MAGEB6: variants seen among roughly 807,000 people sequenced by gnomAD.
The protein encoded by MAGEB6 is melanoma-associated antigen B6.
For missense variants in MAGEB6, 327 were observed against 329.7 expected (o/e 0.99, Z 0.06); for synonymous variants, 128 against 136.2 (o/e 0.94, Z 0.42).
chrX:26,194,301 C>A lies in MAGEB6; in HGVS notation c.455C>A (p.Ser152Ter), dbSNP rs1229201865. The A allele has an allele frequency of 8.3e-7, 1 of 1,210,871 alleles. No homozygotes were observed. ...GTTCCTCAGGAGTCTCAGGGAGCTT[C>A]ACCCACTGGCTCGCCTGATGCAGGT... ...VSVPQESQGA[S>*]PTGSPDAGVS... Residue 152 changes from serine to a stop codon, truncating the protein, a stop_gained, in exon 2 of 2, where the codon TCA becomes TAA. Transcript: ENST00000379034. LOFTEE classifies it low-confidence loss of function (END_TRUNC).
rs1929158390 is a variant in MAGEB6 at position 26,194,299 on chromosome X, T to G, written c.453T>G (p.Ala151=). The G allele has an allele frequency of 8.3e-7, 1 of 1,207,866 alleles. No individual in the cohort carries two copies. Among genetic ancestry groups the G allele is most frequent in the African/African-American group, 1.8e-5 (1 of 56,253 alleles). Residue 151 remains alanine (A), a synonymous_variant, in exon 2 of 2, where the codon GCT becomes GCG. Transcript: ENST00000379034. ...CCGTTCCTCAGGAGTCTCAGGGAGC[T>G]TCACCCACTGGCTCGCCTGATGCAG... is the stretch of plus-strand genomic sequence containing the variant. ...DVSVPQESQG[A]SPTGSPDAGV... is the part of the protein sequence containing the mutation.
chrX:26,194,115 ATGAGAAAAGT>A lies in MAGEB6; in HGVS notation c.270_279del (p.Glu91GlnfsTer85). 1.7e-6 allele frequency: 2 copies of A among 1,202,246 alleles called. No individual in the cohort carries two copies. Among genetic ancestry groups the A allele is most frequent in the Admixed American group, 2.2e-5 (1 of 45,494 alleles). Reference sequence around the variant, plus strand: ...TCCGATGTGGCTGCCAACGGCCAAGATGAGAAAAGTCCAAGCACCTCCCGTGATGCCTCCG... The same window carrying A: ...TCCGATGTGGCTGCCAACGGCCAAGACCAAGCACCTCCCGTGATGCCTCCG... On this transcript the variant is annotated frameshift_variant, in exon 2 of 2. Coordinates refer to ENST00000379034, the MANE Select transcript of MAGEB6 (RefSeq NM_173523.2). LOFTEE classifies it low-confidence loss of function (END_TRUNC).
rs1929186169 is a variant in MAGEB6, at chrX:26,195,602, A to G, written c.*532A>G. ...CTTGGTTTGCCTAATTCGTTTTCCT[A>G]TTTCTTTTCATACAAATAAAGGATA... On this transcript the variant is annotated 3_prime_UTR_variant, in exon 2 of 2. Transcript: ENST00000379034. 8.0e-6 allele frequency: 1 copy of G among 124,540 alleles called. No individual in the cohort carries two copies. The highest frequency in any genetic ancestry group is 3.2e-5 in the African/African-American group (1 of 30,866). 10.3% of individuals were successfully genotyped at this position (124,540 alleles called of 1,213,427 possible). A position where few individuals can be genotyped will look rare whatever the true frequency, so the allele number is the denominator to read the frequency against.
In MAGEB6 at chrX:26,194,289, C is replaced by G. The variant is rs1929157984; in HGVS notation, c.443C>G (p.Ser148Cys). ...CATGATGTCTCCGTTCCTCAGGAGT[C>G]TCAGGGAGCTTCACCCACTGGCTCG... is the stretch of plus-strand genomic sequence containing the variant. ...TSHDVSVPQE[S>C]QGASPTGSPD... The change falls in exon 2 of 2, where the codon TCT becomes TGT. Residue 148 changes from serine to cysteine, a missense_variant. Ser to Cys is a moderately radical substitution (Grantham distance 112). Transcript: ENST00000379034. 1 of 1,207,564 alleles carries G rather than the reference C, an allele frequency of 8.3e-7. No individual in the cohort carries two copies. The highest frequency in any genetic ancestry group is 1.1e-6 in the Non-Finnish European group (1 of 894,831).
rs773041104 is a variant in MAGEB6 at position 26,195,089 on chromosome X, T to C, written c.*19T>C. 5.9e-6 allele frequency: 7 copies of C among 1,195,581 alleles called. No individual in the cohort carries two copies. The highest frequency in any genetic ancestry group is 1.8e-5 in the African/African-American group (1 of 56,784). On this transcript the variant is annotated 3_prime_UTR_variant, in exon 2 of 2. Transcript: ENST00000379034. ...AGCTTAAGGCAGGGCTGGCACTATTTCCTTGGCCAGGGTACCTTATGGGGC... is the reference window on the plus strand; with the variant it reads ...AGCTTAAGGCAGGGCTGGCACTATTCCCTTGGCCAGGGTACCTTATGGGGC...
In MAGEB6 at chrX:26,192,510, A is replaced by T. The variant is rs1264694397; in HGVS notation, c.-79A>T. ...ACGTCAGCGGAAGGAGGCGTCCCAG[A>T]TCTTCTCAGCTGTCTTGGTGGGTAT... On this transcript the variant is annotated 5_prime_UTR_variant, in exon 1 of 2. Coordinates refer to ENST00000379034, the MANE Select transcript of MAGEB6 (RefSeq NM_173523.2). 1 of 110,089 alleles carries T rather than the reference A, an allele frequency of 9.1e-6. No individual in the cohort carries two copies. The highest frequency in any genetic ancestry group is 9.6e-5 in the Admixed American group (1 of 10,426). The allele number at this position is 110,089 out of a possible 1,213,427, so 9.1% of individuals were successfully genotyped here.
chrX:26,194,555 C>G lies in MAGEB6; in HGVS notation c.709C>G (p.Leu237Val). 1 of 1,211,395 alleles carries G rather than the reference C, an allele frequency of 8.3e-7. No individual in the cohort carries two copies. Among genetic ancestry groups the G allele is most frequent in the Non-Finnish European group, 1.1e-6 (1 of 895,316 alleles). ...GTACAAGCCCTACTTCCCTCAGATC[C>G]TCAACAGAACCTCCCAACATTTGGT... ...REYKPYFPQI[L>V]NRTSQHLVVA... The change falls in exon 2 of 2, where the codon CTC (leucine) becomes GTC (valine). Residue 237 changes from leucine to valine, a missense_variant. Transcript: ENST00000379034.
Position 26,195,451 on chromosome X carries a change from G to C in MAGEB6, c.*381G>C, listed in dbSNP as rs12845766. On this transcript the variant is annotated 3_prime_UTR_variant, in exon 2 of 2. Coordinates refer to ENST00000379034, the MANE Select transcript of MAGEB6 (RefSeq NM_173523.2). ...CATACAACACATTTTCTTTGTAATT[G>C]AGAACTAGATAACATGGTAACAGAG... 1 of 153,397 alleles carries C rather than the reference G, an allele frequency of 6.5e-6. No homozygotes were observed. The highest frequency in any genetic ancestry group is 7.6e-5 in the Admixed American group (1 of 13,122). 12.6% of individuals were successfully genotyped at this position (153,397 alleles called of 1,213,427 possible). A position where few individuals can be genotyped will look rare whatever the true frequency, so the allele number is the denominator to read the frequency against.
Position 26,194,132 on chromosome X carries a change from ACC to A in MAGEB6, c.287_288del (p.Thr96IlefsTer3). ...ANGQDEKSPSTSRDASVPQES... is the reference protein window; with the variant it reads ...ANGQDEKSPSXSRDASVPQES... ...CGGCCAAGATGAGAAAAGTCCAAGC[ACC>A]TCCCGTGATGCCTCCGTTCCTCAGG... is the stretch of plus-strand genomic sequence containing the variant. On this transcript the variant is annotated frameshift_variant, in exon 2 of 2. Transcript: ENST00000379034. LOFTEE classifies it low-confidence loss of function (END_TRUNC). 1 of 1,173,776 alleles carries A rather than the reference ACC, an allele frequency of 8.5e-7. No homozygotes were observed.
At position 26,195,102 on chromosome X, in the gene MAGEB6, T is replaced by C. The variant is rs5986312; in HGVS notation, c.*32T>C. The C allele has an allele frequency of 0.35, 413,879 of 1,186,591 alleles. 49,451 individuals are homozygous for C. Among genetic ancestry groups the C allele is most frequent in the East Asian group, 0.49 (16,297 of 33,440 alleles). Reference sequence around the variant, plus strand: ...GCTGGCACTATTTCCTTGGCCAGGGTACCTTATGGGGCCATATCCTACAGA... The same window carrying C: ...GCTGGCACTATTTCCTTGGCCAGGGCACCTTATGGGGCCATATCCTACAGA... On this transcript the variant is annotated 3_prime_UTR_variant, in exon 2 of 2. Transcript: ENST00000379034.
At chrX:26,193,070 C>T (rs1929132255) in intron 1 of MAGEB6, among the ~76,000 whole-genome samples, 1 of 111,024 alleles carries the variant, frequency 9.0e-6, no homozygotes, top group South Asian at 4.0e-4. Flanking sequence ...GTTGTCAGCC[C>T]TAGGTGGTCT....
Position 26,195,287 on chromosome X carries a change from C to G in MAGEB6, c.*217C>G. 5.1e-6 allele frequency: 2 copies of G among 391,794 alleles called. No individual in the cohort carries two copies. The highest frequency in any genetic ancestry group is 8.9e-6 in the Non-Finnish European group (2 of 224,891). 32.3% of individuals were successfully genotyped at this position (391,794 alleles called of 1,213,427 possible). On this transcript the variant is annotated 3_prime_UTR_variant, in exon 2 of 2. Transcript: ENST00000379034. ...TAACTTGCAGATTTATGTTTTATCT[C>G]TGTCAGTTATCAACATTGTTCCTGT...
At position 26,194,854 on chromosome X, in the gene MAGEB6, G is replaced by A. The variant is rs1479751187; in HGVS notation, c.1008G>A (p.Leu336=). 1 of 1,209,254 alleles carries A rather than the reference G, an allele frequency of 8.3e-7. No individual in the cohort carries two copies. The highest frequency in any genetic ancestry group is 3.0e-5 in the East Asian group (1 of 33,742). ...CTCGGAAGATCATTACTGAAGATTT[G>A]GTGCAAGATAAGTACGTGGTTTACC... ...GDARKIITED[L]VQDKYVVYRQ... Residue 336 remains leucine (L), a synonymous_variant, in exon 2 of 2, where the codon TTG becomes TTA. Coordinates refer to ENST00000379034, the MANE Select transcript of MAGEB6 (RefSeq NM_173523.2).
chrX:26,192,646 C>T (rs1929126018), intron 1 of MAGEB6, 119 bp downstream of exon 1: 1 of 111,526 alleles, frequency 9.0e-6, no homozygotes. Flanking sequence ...CCTGAGGAGT[C>T]CCCAAACATG....
Position 26,194,966 on chromosome X carries a change from C to A in MAGEB6, c.1120C>A (p.Arg374Ser). The change falls in exon 2 of 2, where the codon CGT becomes AGT. Residue 374 changes from arginine (R) to serine (S), a missense_variant. Coordinates refer to ENST00000379034, the MANE Select transcript of MAGEB6 (RefSeq NM_173523.2). The part of the protein sequence containing the change: ...YAETTKMRVL[R>S]VLADSSNTSP... ...TGAAACCACCAAGATGAGAGTCCTG[C>A]GTGTTTTGGCCGACAGCAGTAACAC... 8.3e-7 allele frequency: 1 copy of A among 1,211,504 alleles called. No individual in the cohort carries two copies. The highest frequency in any genetic ancestry group is 1.1e-6 in the Non-Finnish European group (1 of 895,493).
chrX:26,194,676 G>A lies in MAGEB6; in HGVS notation c.830G>A (p.Ser277Asn), dbSNP rs201763501. 125 of 1,209,316 alleles carry A rather than the reference G, an allele frequency of 1.0e-4. No individual in the cohort carries two copies. The highest frequency in any genetic ancestry group is 6.0e-5 in the Non-Finnish European group (54 of 895,145). The part of the protein sequence containing the change: ...KLGLPSEGIL[S>N]GDNALPKSGL... ...GGCCTCCCCAGTGAAGGAATTCTGA[G>A]TGGTGATAATGCGCTGCCGAAGTCG... Residue 277 changes from serine to asparagine, a missense_variant, in exon 2 of 2, where the codon AGT becomes AAT. Coordinates refer to ENST00000379034, the MANE Select transcript of MAGEB6 (RefSeq NM_173523.2).
Position 26,193,995 on chromosome X carries a change from G to C in MAGEB6, c.149G>C (p.Gly50Ala). 1 of 1,211,947 alleles carries C rather than the reference G, an allele frequency of 8.3e-7. No homozygotes were observed. The highest frequency in any genetic ancestry group is 1.1e-6 in the Non-Finnish European group (1 of 895,536). ...SSSSSSRACLGDCRRSSDASI... is the reference protein window; with the variant it reads ...SSSSSSRACLADCRRSSDASI... ...TCATCCTCTTCTCGCGCTTGTCTGG[G>C]TGATTGTCGTAGGTCTTCTGATGCC... is the stretch of plus-strand genomic sequence containing the variant. The change falls in exon 2 of 2, where the codon GGT (glycine) becomes GCT (alanine). Residue 50 changes from glycine to alanine, a missense_variant. Transcript: ENST00000379034.
At position 26,194,061 on chromosome X, in the gene MAGEB6, C is replaced by A. The variant is rs746350570; in HGVS notation, c.215C>A (p.Ser72Tyr). Residue 72 changes from serine (S) to tyrosine (Y), a missense_variant, in exon 2 of 2, where the codon TCT (serine) becomes TAT (tyrosine). Transcript: ENST00000379034. ...QESQGVSPTG[S>Y]PDAVVSYSKS... ...TCTCAGGGAGTGTCACCCACTGGGT[C>A]TCCTGATGCAGTTGTTTCATATTCA... 6 of 1,211,878 alleles carry A rather than the reference C, an allele frequency of 5.0e-6. No homozygotes were observed. Among genetic ancestry groups the A allele is most frequent in the Non-Finnish European group, 6.7e-6 (6 of 895,553 alleles).
chrX:26,194,382 G>C lies in MAGEB6; in HGVS notation c.536G>C (p.Ser179Thr). 1.7e-6 allele frequency: 2 copies of C among 1,210,688 alleles called. No homozygotes were observed. Among genetic ancestry groups the C allele is most frequent in the Non-Finnish European group, 2.2e-6 (2 of 895,421 alleles). The change falls in exon 2 of 2, where the codon AGC becomes ACC. Residue 179 changes from serine (S) to threonine (T), a missense_variant. Coordinates refer to ENST00000379034, the MANE Select transcript of MAGEB6 (RefSeq NM_173523.2). ...AAEGEDEESV[S>T]ASQKAIIFKR... is the part of the protein sequence containing the mutation. ...GAGGGTGAAGATGAGGAAAGTGTAAGCGCCTCACAGAAAGCCATCATTTTT... is the reference window on the plus strand; with the variant it reads ...GAGGGTGAAGATGAGGAAAGTGTAACCGCCTCACAGAAAGCCATCATTTTT...
Sources: allele counts gnomAD v4.1 joint callset (sites outside exome capture counted in the v4.1 genomes callset), GRCh38; gene constraint gnomAD v4.1.1; transcripts MANE v1.5; gene names NCBI Gene and HGNC (gene_info 2026-07-23, HGNC 2026-07-21).